Variants in SYT2 observed in about 807,000 individuals in gnomAD.
The protein encoded by SYT2 is synaptotagmin 2.
In SYT2, 15 loss-of-function variants were observed where a neutral mutation model predicts 39.9. That is an observed-to-expected ratio of 0.38 (90% CI 0.25 to 0.58). The LOEUF (loss-of-function observed/expected upper bound fraction) is 0.58. Among genes scored for constraint, SYT2 ranks in the 20% least tolerant of loss-of-function variants. The pLI, the probability that SYT2 is intolerant of heterozygous loss-of-function variation, is 0.70. For missense variants in SYT2, 389 were observed against 530.3 expected, an observed-to-expected ratio of 0.73 and a Z score of 2.62; for synonymous variants, 181 against 204.5, an observed-to-expected ratio of 0.89 and a Z score of 0.98.
At chr1:202,701,467 G>T (rs1194208044) in intron 1 of SYT2, among the ~76,000 whole-genome samples, 1 of 152,210 alleles carries the variant, frequency 6.6e-6, no homozygotes, top group Non-Finnish European at 1.5e-5. Flanking sequence ...ATATTAAAAA[G>T]ATGTGCACTC....
At chr1:202,640,440 T>C (rs1274472600) in intron 1 of SYT2, among the ~76,000 whole-genome samples, 4 of 152,200 alleles carry the variant, frequency 2.6e-5, no homozygotes, top group Non-Finnish European at 4.4e-5. Flanking sequence ...CATGGGGTCC[T>C]GGGAGTCCCC....
Position 202,601,330 on chromosome 1 carries a change from C to T in SYT2, c.801+560G>A, listed in dbSNP as rs545378263. On this transcript the variant is annotated intron_variant, in intron 6 of 8. Coordinates refer to ENST00000367268, the MANE Select transcript of SYT2 (RefSeq NM_177402.5). This position sits in a 1 kb window ranked among gnomAD's most constrained non-coding sequence, Gnocchi z 4.0. ...GTCTTAAGCTTCTCTACTCAGCCCT[C>T]CATCACTGCCTAGAGTGTGCCAGGT... Among the ~76,000 whole-genome samples, 1 of 152,358 alleles carries T rather than the reference C, an allele frequency of 6.6e-6. No individual in the cohort carries two copies. The highest frequency in any genetic ancestry group is 1.5e-5 in the Non-Finnish European group (1 of 68,038).
At chr1:202,604,764 A>G in intron 2 of SYT2, 143 bp from the exon 3 acceptor site, 1 of 557,472 alleles carries the variant, frequency 1.8e-6, no homozygotes, top group Non-Finnish European at 3.0e-6. Context: ...CACACCCATG[A>G]GTGATTTGTA....
chr1:202,604,422 C>A, intron 3 of SYT2, 33 bp downstream of exon 3: 1 of 1,607,752 alleles, frequency 6.2e-7, no homozygotes, highest in Middle Eastern at 1.7e-4. Context: ...GGCTGAGCCC[C>A]TTCCAGTCCC....
intron 1 of SYT2, among the ~76,000 whole-genome samples, chr1:202,676,064 C>A (rs1238872365): frequency 1.3e-5 from 2 of 152,200 alleles, no homozygotes; most frequent in African/African-American, 4.8e-5. Flanking sequence ...ACTTCAAAGG[C>A]CAGTCTCACT....
chr1:202,640,284 A>G (rs1426562749), intron 1 of SYT2, among the ~76,000 whole-genome samples: 1 of 122,356 alleles, frequency 8.2e-6, no homozygotes, highest in African/African-American at 3.1e-5. Flanking sequence ...AGGCAGAGCC[A>G]GCAGGGTCAC....
At chr1:202,638,182 G>A (rs1359195235) in intron 1 of SYT2, among the ~76,000 whole-genome samples, 2 of 152,212 alleles carry the variant, frequency 1.3e-5, no homozygotes, top group East Asian at 1.9e-4. Flanking sequence ...TGAAGCAGAC[G>A]GCAGCTGCTA....
chr1:202,610,504 A>G (rs1334729204), intron 1 of SYT2, among the ~76,000 whole-genome samples: 2 of 152,250 alleles, frequency 1.3e-5, no homozygotes, highest in African/African-American at 4.8e-5. Flanking sequence ...AATAAAGGGT[A>G]TTCAGTTAGG....
intron 1 of SYT2, among the ~76,000 whole-genome samples, chr1:202,706,850 C>T (rs888003345): frequency 1.3e-5 from 2 of 152,180 alleles, no homozygotes; most frequent in Non-Finnish European, 2.9e-5. Flanking sequence ...CCAGGGGCTA[C>T]TTCTAAAATA....
chr1:202,692,259 G>A (rs1291723608), intron 1 of SYT2, among the ~76,000 whole-genome samples: 1 of 151,996 alleles, frequency 6.6e-6, no homozygotes, highest in African/African-American at 2.4e-5. Flanking sequence ...TTCAACTCCA[G>A]CCTCATTTGG....
At chr1:202,636,861 G>A (rs1691752228) in intron 1 of SYT2, among the ~76,000 whole-genome samples, 1 of 152,172 alleles carries the variant, frequency 6.6e-6, no homozygotes, top group African/African-American at 2.4e-5. Flanking sequence ...GGAAACTGAG[G>A]TAACAAGTGT....
chr1:202,705,211 T>G (rs1439151763), intron 1 of SYT2, among the ~76,000 whole-genome samples: 5 of 152,272 alleles, frequency 3.3e-5, no homozygotes, highest in African/African-American at 1.2e-4. Flanking sequence ...ACACAACTTC[T>G]CTGGGGATTT....
chr1:202,652,742 A>G (rs1291862803), intron 1 of SYT2, among the ~76,000 whole-genome samples: 1 of 152,232 alleles, frequency 6.6e-6, no homozygotes, highest in Non-Finnish European at 1.5e-5. Context: ...TTCGGTGGAA[A>G]GACCCTGGCT....
intron 1 of SYT2, among the ~76,000 whole-genome samples, chr1:202,690,638 A>C (rs1316735922): frequency 6.6e-6 from 1 of 152,242 alleles, no homozygotes; most frequent in East Asian, 1.9e-4. Flanking sequence ...CAAGCCACCA[A>C]GTCTCTGGAC....
At chr1:202,685,216 T>A (rs551494823) in intron 1 of SYT2, among the ~76,000 whole-genome samples, 35 of 152,294 alleles carry the variant, frequency 2.3e-4, no homozygotes, top group Admixed American at 2.0e-3. Context: ...TGGCTGGTAT[T>A]CATCATTCTC....
chr1:202,671,616 G>A (rs1360121090), intron 1 of SYT2, among the ~76,000 whole-genome samples: 1 of 152,188 alleles, frequency 6.6e-6, no homozygotes, highest in Non-Finnish European at 1.5e-5. Context: ...GCTCACTTTT[G>A]GCAGCCTCCC....
intron 1 of SYT2, chr1:202,627,638 A>G: frequency 1.0e-6 from 1 of 985,306 alleles, no homozygotes. Flanking sequence ...GAAGGGCATG[A>G]AGACCACTTC....
Position 202,664,121 on chromosome 1 carries a change from C to G in SYT2, c.-18+46137G>C, listed in dbSNP as rs138250822. Among the ~76,000 whole-genome samples the G allele has an allele frequency of 7.9e-4, 121 of 152,262 alleles. 1 individual carries two copies. In the East Asian group the frequency reaches 0.013, roughly 17 times the overall value. On this transcript the variant is annotated intron_variant, in intron 1 of 8. Coordinates refer to ENST00000367268, the MANE Select transcript of SYT2 (RefSeq NM_177402.5). The stretch of plus-strand genomic sequence containing the variant: ...TACCCACTGCCTGAACCCCGGCTTC[C>G]CCAAACAGAGGATATGAATGTTGAG...
chr1:202,601,772 G>T lies in SYT2; in HGVS notation c.801+118C>A. 2 of 1,081,416 alleles carry T rather than the reference G, an allele frequency of 1.8e-6. No individual in the cohort carries two copies. Among genetic ancestry groups the T allele is most frequent in the Non-Finnish European group, 2.7e-6 (2 of 737,606 alleles). 67.0% of individuals were successfully genotyped at this position (1,081,416 alleles called of 1,614,324 possible). Reference sequence around the variant, plus strand: ...TCACACAGCCAGGCAGTGTGGAGCTGGGATCCTAACACAGGTCGTCTGCCT... The same window carrying T: ...TCACACAGCCAGGCAGTGTGGAGCTTGGATCCTAACACAGGTCGTCTGCCT... On this transcript the variant is annotated intron_variant, in intron 6 of 8. Transcript: ENST00000367268. This position sits in a 1 kb window ranked among gnomAD's most constrained non-coding sequence, Gnocchi z 4.0.
Sources: gnomAD v4.1 joint callset for allele counts (sites outside exome capture counted in the v4.1 genomes callset) on GRCh38, gnomAD v4.1.1 for gene constraint, Gnocchi (gnomAD v3.1) non-coding constraint, MANE v1.5 for transcripts, NCBI Gene and HGNC (gene_info 2026-07-23, HGNC 2026-07-21) for gene names.